AHCTF1: variants seen among roughly 807,000 people sequenced by gnomAD.
AHCTF1 encodes the protein AT-hook containing transcription factor 1, also known as protein ELYS.
In AHCTF1, 24 loss-of-function variants were observed where a neutral mutation model predicts 248.4. That is an observed-to-expected ratio of 0.10 (90% CI 0.07 to 0.14). AHCTF1 has a LOEUF of 0.14. Ranked by LOEUF, AHCTF1 falls within the 10% of genes least tolerant of loss-of-function variation. The pLI, the probability that AHCTF1 is intolerant of heterozygous loss-of-function variation, is 1.00. For synonymous variants in AHCTF1, 786 were observed against 929.8 expected (o/e 0.85, Z 2.81); for missense variants, 2,206 against 2,636.2 (o/e 0.84, Z 3.57).
Position 246,894,528 on chromosome 1 carries a change from C to A in AHCTF1, c.1804+131G>T, listed in dbSNP as rs12096743. On this transcript the variant is annotated intron_variant, in intron 14 of 35. Transcript: ENST00000648844. Reference sequence around the variant, plus strand: ...ACTGCACTATAGCCTGGCGACAGAGCAAGACTCAGTCTCAAAAAAAGAAAA... The same window carrying A: ...ACTGCACTATAGCCTGGCGACAGAGAAAGACTCAGTCTCAAAAAAAGAAAA... 5,766 of 751,686 alleles carry A rather than the reference C, an allele frequency of 7.7e-3. 241 individuals carry two copies. The African/African-American group carries it at 0.093, about 12-fold the overall frequency. The allele number at this position is 751,686 out of a possible 1,614,324, so 46.6% of individuals were successfully genotyped here.
At chr1:246,906,492 G>C (rs937566154) in intron 5 of AHCTF1, among the ~76,000 whole-genome samples, 2 of 152,096 alleles carry the variant, frequency 1.3e-5, no homozygotes, top group Admixed American at 6.5e-5. Flanking sequence ...TGAGGCAGGA[G>C]AATCACTTGA....
intron 1 of AHCTF1, among the ~76,000 whole-genome samples, chr1:246,921,218 CTA>C (rs1666526302): frequency 6.6e-6 from 1 of 151,898 alleles, no homozygotes; most frequent in Admixed American, 6.5e-5. Context: ...CATGACAAAA[CTA>C]TGAAAAAAAC....
Position 246,913,829 on chromosome 1 carries a change from A to C in AHCTF1, c.376-417T>G, listed in dbSNP as rs529229231. Reference sequence around the variant, plus strand: ...TAAAACGCAAACCTAAATTGTTCTCATTTTAAAGCTCTTAAACAGCTACTC... The same window carrying C: ...TAAAACGCAAACCTAAATTGTTCTCCTTTTAAAGCTCTTAAACAGCTACTC... On this transcript the variant is annotated intron_variant, in intron 3 of 35. Transcript: ENST00000648844. 7.2e-5 allele frequency among the ~76,000 whole-genome samples: 11 copies of C among 152,378 alleles called. No homozygotes were observed. In the South Asian group the frequency reaches 2.3e-3, roughly 32 times the overall value.
intron 32 of AHCTF1, among the ~76,000 whole-genome samples, chr1:246,852,399 T>C (rs1366555354): frequency 6.6e-6 from 1 of 151,952 alleles, no homozygotes; most frequent in Non-Finnish European, 1.5e-5. Context: ...CAAATTTCTA[T>C]AAATAATTAG....
chr1:246,927,152 TG>T (rs1267658065), intron 1 of AHCTF1, among the ~76,000 whole-genome samples: 2 of 149,406 alleles, frequency 1.3e-5, no homozygotes, highest in African/African-American at 5.0e-5. Flanking sequence ...CACTCCAGCC[TG>T]GGCGACAGAG....
At chr1:246,907,255 A>G (rs1006246114) in intron 5 of AHCTF1, among the ~76,000 whole-genome samples, 13 of 152,224 alleles carry the variant, frequency 8.5e-5, no homozygotes, top group African/African-American at 3.1e-4. Flanking sequence ...ACTGTTGTTG[A>G]CCAAAACGTT....
At chr1:246,905,088 T>C (rs1386513701) in intron 6 of AHCTF1, among the ~76,000 whole-genome samples, 1 of 152,266 alleles carries the variant, frequency 6.6e-6, no homozygotes, top group Non-Finnish European at 1.5e-5. Flanking sequence ...ACCATTTAAC[T>C]TTTAAAATAA....
intron 1 of AHCTF1, among the ~76,000 whole-genome samples, chr1:246,926,378 C>G (rs1666918794): frequency 6.6e-6 from 1 of 152,196 alleles, no homozygotes; most frequent in Non-Finnish European, 1.5e-5. Context: ...CTTTCATATC[C>G]AAGCTTCTAG....
chr1:246,860,564 C>T (rs1630829), intron 29 of AHCTF1, among the ~76,000 whole-genome samples: 98,558 of 152,084 alleles, frequency 0.65, 34,231 homozygotes, highest in African/African-American at 0.91. Context: ...TCATGCTTTC[C>T]TTCTGAGATA....
Position 246,891,827 on chromosome 1 carries a change from T to C in AHCTF1, c.1897A>G (p.Ile633Val), listed in dbSNP as rs1254409115. Residue 633 changes from isoleucine (I) to valine (V), a missense_variant, in exon 15 of 36, where the codon ATA becomes GTA. Transcript: ENST00000648844. ...TCTGATGCAAAACAGCTCAAGACTA[T>C]ATTAAGATTGCTAAGAAGCAAATAG... ...QCYLLLSNLN[I>V]VLSCFASEAR... The C allele has an allele frequency of 2.5e-6, 4 of 1,611,314 alleles. No individual in the cohort carries two copies. Among genetic ancestry groups the C allele is most frequent in the Non-Finnish European group, 3.4e-6 (4 of 1,179,230 alleles).
intron 14 of AHCTF1, among the ~76,000 whole-genome samples, chr1:246,892,175 C>A (rs545873322): frequency 6.6e-6 from 1 of 152,104 alleles, no homozygotes; most frequent in African/African-American, 2.4e-5. Flanking sequence ...AACCAGCACA[C>A]ATCAAAAGAC....
At chr1:246,862,646 G>A (rs182664647) in intron 27 of AHCTF1, among the ~76,000 whole-genome samples, 29 of 152,194 alleles carry the variant, frequency 1.9e-4, no homozygotes, top group African/African-American at 7.0e-4. Flanking sequence ...GTAAGTCTAC[G>A]AAACATAAAA....
intron 12 of AHCTF1, among the ~76,000 whole-genome samples, chr1:246,896,829 G>C (rs1664608403): frequency 6.6e-6 from 1 of 152,100 alleles, no homozygotes; most frequent in Non-Finnish European, 1.5e-5. Context: ...TGTTCAAAAA[G>C]GAATCCCATG....
intron 1 of AHCTF1, among the ~76,000 whole-genome samples, chr1:246,919,488 C>T (rs1453730379): frequency 2.0e-5 from 3 of 149,284 alleles, no homozygotes; most frequent in African/African-American, 5.0e-5. Flanking sequence ...CTGAGGCAGG[C>T]GGATCACAAG....
intron 1 of AHCTF1, among the ~76,000 whole-genome samples, chr1:246,922,783 C>T (rs1170780496): frequency 2.7e-5 from 4 of 150,580 alleles, no homozygotes; most frequent in South Asian, 2.1e-4. Flanking sequence ...GAGATCGAGA[C>T]CATCCTGGAT....
chr1:246,898,334 A>C lies in AHCTF1; in HGVS notation c.1497T>G (p.Thr499=). The part of the protein sequence containing the change: ...HLTCTGFQKE[T]LTFLKKSGPS... ...GACCTGATTTCTTTAAAAAAGTCAA[A>C]GTCTGTAACAGATAAATTAGTAAGG... The change falls in exon 12 of 36, where the codon ACT becomes ACG. Residue 499 remains threonine (T), a splice_region_variant and synonymous_variant. Transcript: ENST00000648844. The C allele has an allele frequency of 6.2e-7, 1 of 1,611,238 alleles. No individual in the cohort carries two copies. The highest frequency in any genetic ancestry group is 8.5e-7 in the Non-Finnish European group (1 of 1,178,870).
chr1:246,903,018 C>A lies in AHCTF1; in HGVS notation c.967-343G>T, dbSNP rs564092239. 4.6e-5 allele frequency among the ~76,000 whole-genome samples: 7 copies of A among 152,314 alleles called. No homozygotes were observed. The South Asian group carries it at 1.5e-3, about 32-fold the overall frequency. On this transcript the variant is annotated intron_variant, in intron 7 of 35. Transcript: ENST00000648844. ...CTATACCTGTGTTCTCACAGAAATT[C>A]TTGCTCTAGAATAGTTCTTAGACTT...
At chr1:246,860,218 A>G (rs1324633604) in intron 29 of AHCTF1, among the ~76,000 whole-genome samples, 7 of 152,070 alleles carry the variant, frequency 4.6e-5, no homozygotes, top group Admixed American at 3.3e-4. Context: ...CAGTGAGCCG[A>G]GATCACGCCA....
chr1:246,909,394 CAAAAAAAAA>C (rs55998210), intron 4 of AHCTF1, among the ~76,000 whole-genome samples: 14 of 62,382 alleles, frequency 2.2e-4, no homozygotes, highest in African/African-American at 8.0e-4. Flanking sequence ...TCCAGCCTCT[CAAAAAAAAA>C]AAAAAAAAAA....
Sources: allele counts gnomAD v4.1 joint callset (sites outside exome capture counted in the v4.1 genomes callset), GRCh38; gene constraint gnomAD v4.1.1; transcripts MANE v1.5; gene names NCBI Gene and HGNC (gene_info 2026-07-23, HGNC 2026-07-21).